Variants in BAZ1A observed in about 807,000 individuals in gnomAD.
BAZ1A encodes bromodomain adjacent to zinc finger domain protein 1A.
BAZ1A carries 50 observed loss-of-function variants against 185.2 expected under a neutral mutation model. That is an observed-to-expected ratio of 0.27 (90% CI 0.22 to 0.34). The LOEUF (loss-of-function observed/expected upper bound fraction) is 0.34. Among genes scored for constraint, BAZ1A ranks in the 10% least tolerant of loss-of-function variants. The pLI is 1.00. For synonymous variants in BAZ1A, 571 were observed against 615.6 expected, an observed-to-expected ratio of 0.93 and a Z score of 1.07; for missense variants, 1,356 against 1,839.9, an observed-to-expected ratio of 0.74 and a Z score of 4.81.
intron 24 of BAZ1A, 134 bp downstream of exon 24, chr14:34,761,623 A>T: frequency 1.4e-6 from 1 of 718,682 alleles, no homozygotes; most frequent in Non-Finnish European, 2.3e-6. Flanking sequence ...ATTATGCTTC[A>T]GGTCAGATTG....
At chr14:34,873,682 A>C (rs920921422) in intron 2 of BAZ1A, among the ~76,000 whole-genome samples, 1 of 152,226 alleles carries the variant, frequency 6.6e-6, no homozygotes. Flanking sequence ...GGGGCGCCCA[A>C]GGCCCTGCTT....
rs1225939081 is a variant in BAZ1A, at chr14:34,784,367, C to CCAAAAAAAAAAAAAAAAA, written c.1832-441_1832-440insTTTTTTTTTTTTTTTTTG. ...TGGGCAACTGAGTGAGACTCTGTCTCAAAAAAAAAAAAAAAAAAAAAAAAA... is the reference window on the plus strand; with the variant it reads ...TGGGCAACTGAGTGAGACTCTGTCTCCAAAAAAAAAAAAAAAAAAAAAAAAAAAAAAAAAAAAAAAAAA... On this transcript the variant is annotated intron_variant, in intron 14 of 26. Coordinates refer to ENST00000360310, the MANE Select transcript of BAZ1A (RefSeq NM_013448.3). Among the ~76,000 whole-genome samples, 118 of 77,174 alleles carry CCAAAAAAAAAAAAAAAAA rather than the reference C, an allele frequency of 1.5e-3. 17 individuals carry two copies. The highest frequency in any genetic ancestry group is 2.9e-3 in the African/African-American group (47 of 16,416). 50.6% of individuals were successfully genotyped at this position (77,174 alleles called of 152,430 possible).
intron 3 of BAZ1A, among the ~76,000 whole-genome samples, chr14:34,849,932 G>A (rs1379120284): frequency 6.6e-6 from 1 of 152,114 alleles, no homozygotes; most frequent in East Asian, 1.9e-4. Context: ...TTCTCTTTCA[G>A]TTATTCATAA....
At chr14:34,783,729 T>G in intron 15 of BAZ1A, 33 bp downstream of exon 15, 1 of 1,590,594 alleles carries the variant, frequency 6.3e-7, no homozygotes, top group Non-Finnish European at 8.5e-7. Context: ...ATAAACAGCT[T>G]TCATTAACAC....
intron 3 of BAZ1A, among the ~76,000 whole-genome samples, chr14:34,855,574 T>C (rs1259600260): frequency 3.9e-5 from 6 of 152,214 alleles, no homozygotes; most frequent in African/African-American, 1.4e-4. Flanking sequence ...TTATTCTTTA[T>C]TTCTTAATTA....
At chr14:34,789,945 G>A (rs4982211) in intron 12 of BAZ1A, among the ~76,000 whole-genome samples, 13,213 of 152,148 alleles carry the variant, frequency 0.087, 859 homozygotes, top group Admixed American at 0.2. Flanking sequence ...TTCAAACTAA[G>A]CCTCAGTTTC....
intron 21 of BAZ1A, among the ~76,000 whole-genome samples, chr14:34,767,882 G>T (rs1227306602): frequency 6.6e-6 from 1 of 152,132 alleles, no homozygotes; most frequent in Admixed American, 6.6e-5. Flanking sequence ...TAATGCAAAG[G>T]TTGGTGAAAT....
chr14:34,757,325 A>AT (rs1886296117), intron 25 of BAZ1A, among the ~76,000 whole-genome samples: 1 of 144,446 alleles, frequency 6.9e-6, no homozygotes, highest in Non-Finnish European at 1.5e-5. Flanking sequence ...AGATCGCGCC[A>AT]TTGCACTCCA....
chr14:34,816,080 C>CTTTTTTTTTT (rs35830800), intron 4 of BAZ1A, among the ~76,000 whole-genome samples: 13 of 79,428 alleles, frequency 1.6e-4, no homozygotes, highest in Admixed American at 8.8e-4. Context: ...TATTCCAGAC[C>CTTTTTTTTTT]TTTTTTTTTT....
intron 4 of BAZ1A, among the ~76,000 whole-genome samples, chr14:34,822,323 G>T (rs1003767031): frequency 6.6e-5 from 10 of 151,334 alleles, no homozygotes; most frequent in Admixed American, 5.3e-4. Context: ...AAAAAATCCT[G>T]TGAATAAATA....
In BAZ1A at chr14:34,773,742, A is replaced by G. The variant is rs1879395389; in HGVS notation, c.2998-16T>C. The G allele has an allele frequency of 6.2e-7, 1 of 1,612,194 alleles. No individual in the cohort carries two copies. Among genetic ancestry groups the G allele is most frequent in the East Asian group, 2.2e-5 (1 of 44,772 alleles). On this transcript the variant is annotated splice_polypyrimidine_tract_variant and intron_variant, in intron 19 of 26. Transcript: ENST00000360310. The stretch of plus-strand genomic sequence containing the variant: ...GATCTGTAACCTGTAACAAAATTCA[A>G]ACTTACTAACCATGAAAAATGGAAT...
chr14:34,785,961 AAG>A lies in BAZ1A; in HGVS notation c.1645_1646del (p.Leu549PhefsTer14). On this transcript the variant is annotated frameshift_variant, in exon 14 of 27. Coordinates refer to ENST00000360310, the MANE Select transcript of BAZ1A (RefSeq NM_013448.3). LOFTEE classifies it high-confidence loss of function. Reference protein sequence around the residue: ...LKSLDLDSCTLSEILRLHILA... With the variant: ...LKSLDLDSCTXSEILRLHILA... ...AGATGTGCAGTCTGAGGATTTCTGA[AAG>A]AGTGCAGCTATCAAGATCCAAACTT... The A allele has an allele frequency of 6.2e-7, 1 of 1,614,158 alleles. No homozygotes were observed. Among genetic ancestry groups the A allele is most frequent in the Non-Finnish European group, 8.5e-7 (1 of 1,180,036 alleles).
rs1028001093 is a variant in BAZ1A, at chr14:34,874,137, C to A, written c.113+355G>T. 6.6e-6 allele frequency among the ~76,000 whole-genome samples: 1 copy of A among 152,198 alleles called. No individual in the cohort carries two copies. The highest frequency in any genetic ancestry group is 2.4e-5 in the African/African-American group (1 of 41,560). ...GCCGGGAGGGGATCCCGGAACTGGC[C>A]CCGGAGTGCGCGTGTGGCCGCGGCG... On this transcript the variant is annotated intron_variant, in intron 2 of 26. Coordinates refer to ENST00000360310, the MANE Select transcript of BAZ1A (RefSeq NM_013448.3). This position sits in a 1 kb window ranked among gnomAD's most constrained non-coding sequence, Gnocchi z 4.7.
intron 7 of BAZ1A, among the ~76,000 whole-genome samples, chr14:34,801,676 C>T (rs922280578): frequency 1.2e-4 from 19 of 152,072 alleles, no homozygotes; most frequent in African/African-American, 4.3e-4. Context: ...TGGGAAGCCA[C>T]GGCGGGTAGA....
intron 2 of BAZ1A, among the ~76,000 whole-genome samples, chr14:34,869,984 A>G (rs953429821): frequency 2.0e-5 from 3 of 150,302 alleles, no homozygotes; most frequent in Admixed American, 6.6e-5. Flanking sequence ...TCTTACTCCA[A>G]CCTGCCTCAG....
intron 2 of BAZ1A, among the ~76,000 whole-genome samples, chr14:34,862,849 T>C (rs377439125): frequency 2.0e-5 from 3 of 151,736 alleles, no homozygotes; most frequent in South Asian, 4.1e-4. Flanking sequence ...AAGCATAGGT[T>C]TCTGGAATGT....
intron 3 of BAZ1A, among the ~76,000 whole-genome samples, chr14:34,833,276 C>T (rs2042278682): frequency 6.6e-6 from 1 of 152,022 alleles, no homozygotes; most frequent in African/African-American, 2.4e-5. Context: ...CGCCTGTAAC[C>T]CCAGCACTTT....
In BAZ1A at chr14:34,780,152, A is replaced by G. The variant is rs769746245; in HGVS notation, c.2236+34T>C. ...AGTGCTTTATTGGTTAAAAACAAAT[A>G]CACAAGAATGCCCTAAAGAAATTTC... On this transcript the variant is annotated intron_variant, in intron 17 of 26. Coordinates refer to ENST00000360310, the MANE Select transcript of BAZ1A (RefSeq NM_013448.3). 8.1e-6 allele frequency: 13 copies of G among 1,609,068 alleles called. No individual in the cohort carries two copies. In the East Asian group the frequency reaches 2.9e-4, roughly 36 times the overall value.
chr14:34,776,326 C>T lies in BAZ1A; in HGVS notation c.2426G>A (p.Arg809His). 1.2e-6 allele frequency: 2 copies of T among 1,614,040 alleles called. No individual in the cohort carries two copies. The highest frequency in any genetic ancestry group is 1.1e-5 in the South Asian group (1 of 91,066). Residue 809 changes from arginine to histidine, a missense_variant, in exon 18 of 27, where the codon CGC (arginine) becomes CAC (histidine). By Grantham distance (29) the Arg-to-His change is conservative. This residue lies in a region of BAZ1A where 434 missense variants were observed against 561.7 expected (regional missense o/e 0.77). Transcript: ENST00000360310. Reference sequence around the variant, plus strand: ...GAAAATCCAGTATCGTCTATACATGCGGTCGCGACCCAAGGGAAAGATATT... The same window carrying T: ...GAAAATCCAGTATCGTCTATACATGTGGTCGCGACCCAAGGGAAAGATATT... ...CTNIFPLGRDRMYRRYWIFPS... is the reference protein window; with the variant it reads ...CTNIFPLGRDHMYRRYWIFPS...
Sources: gnomAD v4.1 joint callset for allele counts (sites outside exome capture counted in the v4.1 genomes callset) on GRCh38, gnomAD v4.1.1 for gene constraint, gnomAD v4.1.1 regional missense constraint, Gnocchi (gnomAD v3.1) non-coding constraint, MANE v1.5 for transcripts, NCBI Gene and HGNC (gene_info 2026-07-23, HGNC 2026-07-21) for gene names.